CCR3: variants seen among roughly 807,000 people sequenced by gnomAD.
CCR3 encodes the protein C-C chemokine receptor type 3.
For synonymous variants in CCR3, 203 were observed against 179.2 expected, an observed-to-expected ratio of 1.13 and a Z score of -1.06; for missense variants, 419 against 437.5, an observed-to-expected ratio of 0.96 and a Z score of 0.38.
At chr3:46,232,623 C>T (rs893301268) in intron 2 of CCR3, among the ~76,000 whole-genome samples, 2 of 152,266 alleles carry the variant, frequency 1.3e-5, no homozygotes, top group Admixed American at 6.5e-5. Flanking sequence ...GGGGCATGTT[C>T]ATGGCTGCAC....
chr3:46,248,538 G>C (rs527306246), intron 1 of CCR3, among the ~76,000 whole-genome samples: 1 of 152,276 alleles, frequency 6.6e-6, no homozygotes, highest in Non-Finnish European at 1.5e-5. Context: ...TTTTGTAAGG[G>C]ATTGAGGTTT....
upstream of CCR3, among the ~76,000 whole-genome samples, chr3:46,241,166 GCT>G (rs58133632): frequency 2.0e-5 from 3 of 149,262 alleles, no homozygotes; most frequent in South Asian, 2.1e-4. Flanking sequence ...ATGTGTGTGC[GCT>G]CTCTCTCTCT....
chr3:46,243,825 G>C (rs141892660), intron 1 of CCR3, among the ~76,000 whole-genome samples: 22 of 152,284 alleles, frequency 1.4e-4, no homozygotes, highest in Admixed American at 1.3e-3. Flanking sequence ...AGGGCACAAA[G>C]AGATAAATCA....
intron 2 of CCR3, among the ~76,000 whole-genome samples, chr3:46,228,694 A>C (rs1447117205): frequency 6.6e-6 from 1 of 152,266 alleles, no homozygotes; most frequent in Non-Finnish European, 1.5e-5. Flanking sequence ...CCTGTGTACA[A>C]ATCTATTCTC....
In CCR3 at chr3:46,265,646, T is replaced by C; in HGVS notation, c.488T>C (p.Leu163Pro). 2 of 1,614,152 alleles carry C rather than the reference T, an allele frequency of 1.2e-6. No individual in the cohort carries two copies. Among genetic ancestry groups the C allele is most frequent in the Non-Finnish European group, 1.7e-6 (2 of 1,179,988 alleles). ...ATCGTCACCTGGGGCCTGGCAGTGC[T>C]AGCAGCTCTTCCTGAATTTATCTTC... is the stretch of plus-strand genomic sequence containing the variant. Reference protein sequence around the residue: ...TSIVTWGLAVLAALPEFIFYE... With the variant: ...TSIVTWGLAVPAALPEFIFYE... The change falls in exon 2 of 2, where the codon CTA (leucine) becomes CCA (proline). Residue 163 changes from leucine to proline, a missense_variant. Leu to Pro is a moderately conservative substitution (Grantham distance 98, BLOSUM62 -3). Transcript: ENST00000395940.
rs750564895 is a variant in CCR3, at chr3:46,265,140, T to C, written c.-11-8T>C. The C allele has an allele frequency of 6.5e-7, 1 of 1,542,606 alleles. No homozygotes were observed. Among genetic ancestry groups the C allele is most frequent in the Non-Finnish European group, 8.9e-7 (1 of 1,124,544 alleles). On this transcript the variant is annotated splice_polypyrimidine_tract_variant and splice_region_variant and intron_variant, in intron 1 of 1. Coordinates refer to ENST00000395940, the MANE Select transcript of CCR3 (RefSeq NM_178329.3). ...TTGTGGGATTGTATTTTTCTTCTTC[T>C]ATCACAGGGAGAAGTGAAATGACAA...
intron 1 of CCR3, among the ~76,000 whole-genome samples, chr3:46,255,051 G>A (rs965855589): frequency 3.1e-4 from 29 of 94,818 alleles, no homozygotes; most frequent in Non-Finnish European, 1.6e-4. Flanking sequence ...CCACATCCAC[G>A]CCAACATCTA....
rs138346219 is a variant in CCR3, at chr3:46,265,822, A to G, written c.664A>G (p.Ile222Val). 1,850 of 1,614,054 alleles carry G rather than the reference A, an allele frequency of 1.1e-3. 10 individuals carry two copies. Among genetic ancestry groups the G allele is most frequent in the African/African-American group, 4.6e-3 (342 of 75,034 alleles). ...LLVMAICYTG[I>V]IKTLLRCPSK... ...CGTTATGGCCATCTGCTACACAGGAATCATCAAAACGCTGCTGAGGTGCCC... is the reference window on the plus strand; with the variant it reads ...CGTTATGGCCATCTGCTACACAGGAGTCATCAAAACGCTGCTGAGGTGCCC... Residue 222 changes from isoleucine to valine, a missense_variant, in exon 2 of 2, where the codon ATC (isoleucine) becomes GTC (valine). Coordinates refer to ENST00000395940, the MANE Select transcript of CCR3 (RefSeq NM_178329.3).
Position 46,266,164 on chromosome 3 carries a change from C to G in CCR3, c.1006C>G (p.Leu336Val), listed in dbSNP as rs201092807. 169 of 1,613,938 alleles carry G rather than the reference C, an allele frequency of 1.0e-4. No homozygotes were observed. The highest frequency in any genetic ancestry group is 1.3e-4 in the Non-Finnish European group (153 of 1,179,980). Residue 336 changes from leucine (L) to valine (V), a missense_variant, in exon 2 of 2, where the codon CTG becomes GTG. Physicochemically the swap from Leu to Val is conservative, Grantham distance 32. Transcript: ENST00000395940. ...RYIPFLPSEK[L>V]ERTSSVSPST... ...CATCCCATTCCTTCCTAGTGAGAAGCTGGAAAGAACCAGCTCTGTCTCTCC... is the reference window on the plus strand; with the variant it reads ...CATCCCATTCCTTCCTAGTGAGAAGGTGGAAAGAACCAGCTCTGTCTCTCC...
At chr3:46,230,511 A>G (rs1699950197) in intron 2 of CCR3, among the ~76,000 whole-genome samples, 1 of 152,150 alleles carries the variant, frequency 6.6e-6, no homozygotes, top group Non-Finnish European at 1.5e-5. Context: ...GCTGGATTCC[A>G]GGACAAGCCC....
At chr3:46,228,479 C>T (rs1299079881) in intron 2 of CCR3, among the ~76,000 whole-genome samples, 1 of 152,174 alleles carries the variant, frequency 6.6e-6, no homozygotes, top group East Asian at 1.9e-4. Context: ...GCCATCTGCC[C>T]TGAGGTCTAA....
At chr3:46,226,645 T>C (rs1275320073) in intron 2 of CCR3, among the ~76,000 whole-genome samples, 1 of 152,118 alleles carries the variant, frequency 6.6e-6, no homozygotes, top group African/African-American at 2.4e-5. Context: ...TTTTATTTAT[T>C]TTTCTTGTCT....
intron 2 of CCR3, among the ~76,000 whole-genome samples, chr3:46,235,432 C>T (rs909382265): frequency 2.0e-5 from 3 of 152,206 alleles, no homozygotes; most frequent in African/African-American, 7.2e-5. Context: ...CATAGGCTAG[C>T]TCACCCAATT....
At chr3:46,240,116 A>T (rs115637657), upstream of CCR3, among the ~76,000 whole-genome samples, 91 of 152,254 alleles carry the variant, frequency 6.0e-4, no homozygotes, top group African/African-American at 2.1e-3. Context: ...TGATCTAGGG[A>T]TAAAACTCCC....
intron 1 of CCR3, among the ~76,000 whole-genome samples, chr3:46,257,427 CTTTT>C (rs34426861): frequency 2.9e-5 from 3 of 103,970 alleles, no homozygotes; most frequent in African/African-American, 7.3e-5. Context: ...TTGTCCCAGG[CTTTT>C]TTTTTTTTTT....
chr3:46,258,767 G>A (rs991700858), intron 1 of CCR3, among the ~76,000 whole-genome samples: 18 of 152,126 alleles, frequency 1.2e-4, no homozygotes, highest in Admixed American at 5.9e-4. Context: ...AGATCCTTGT[G>A]AGACTACATT....
chr3:46,266,119 C>T lies in CCR3; in HGVS notation c.961C>T (p.Leu321Phe). The change falls in exon 2 of 2, where the codon CTC becomes TTC. Residue 321 changes from leucine (L) to phenylalanine (F), a missense_variant. By Grantham distance (22) the Leu-to-Phe change is conservative (BLOSUM62 0). Transcript: ENST00000395940. Reference sequence around the variant, plus strand: ...GCGCCACTTCTTCCACAGGCACTTGCTCATGCACCTGGGCAGATACATCCC... The same window carrying T: ...GCGCCACTTCTTCCACAGGCACTTGTTCATGCACCTGGGCAGATACATCCC... The part of the protein sequence containing the change: ...YLRHFFHRHL[L>F]MHLGRYIPFL... The T allele has an allele frequency of 6.2e-7, 1 of 1,614,058 alleles. No individual in the cohort carries two copies. The highest frequency in any genetic ancestry group is 1.3e-5 in the African/African-American group (1 of 75,046).
chr3:46,244,566 G>A (rs1286793556), intron 1 of CCR3, among the ~76,000 whole-genome samples: 2 of 152,168 alleles, frequency 1.3e-5, no homozygotes, highest in Non-Finnish European at 1.5e-5. Flanking sequence ...GGGCAGGAGT[G>A]GGGGTCACAA....
At chr3:46,242,194 G>T (rs201977642), upstream of CCR3, among the ~76,000 whole-genome samples, 10 of 151,944 alleles carry the variant, frequency 6.6e-5, no homozygotes, top group Non-Finnish European at 1.5e-4. Flanking sequence ...CCAATGGGTG[G>T]AGAGCCCCTA....
Sources: allele counts gnomAD v4.1 joint callset (sites outside exome capture counted in the v4.1 genomes callset), GRCh38; gene constraint gnomAD v4.1.1; transcripts MANE v1.5; gene names NCBI Gene and HGNC (gene_info 2026-07-23, HGNC 2026-07-21).